VPS13A: variants seen among roughly 807,000 people sequenced by gnomAD.
VPS13A encodes intermembrane lipid transfer protein VPS13A.
In VPS13A, 264 loss-of-function variants were observed where a neutral mutation model predicts 390.9. That is an observed-to-expected ratio of 0.68 (90% confidence interval 0.61 to 0.75). VPS13A has a LOEUF of 0.75. Among genes scored for constraint, VPS13A ranks in the 30% least tolerant of loss-of-function variants. VPS13A has a pLI of 0.00. For missense variants in VPS13A, 3,409 were observed against 3,733.9 expected (o/e 0.91, Z 2.27); for synonymous variants, 1,231 against 1,227.1 (o/e 1.00, Z -0.07).
intron 68 of VPS13A, among the ~76,000 whole-genome samples, chr9:77,397,191 G>A (rs1053202576): frequency 1.3e-5 from 2 of 151,972 alleles, no homozygotes; most frequent in South Asian, 2.1e-4. Context: ...GGGTCTCACC[G>A]TGTTGGCCAG....
chr9:77,255,252 C>T (rs549666929), intron 22 of VPS13A, among the ~76,000 whole-genome samples: 1 of 152,086 alleles, frequency 6.6e-6, no homozygotes, highest in East Asian at 1.9e-4. Flanking sequence ...ATCATGTGAT[C>T]ATGTAAAAAA....
chr9:77,403,317 A>C lies in VPS13A; in HGVS notation c.9271A>C (p.Arg3091=). The change falls in exon 69 of 72, where the codon AGA becomes CGA. Residue 3091 remains arginine (R), a synonymous_variant. Transcript: ENST00000360280. ...INKTDMLMIT[R]RGVLFVTKGT... ...TAAGACAGATATGCTAATGATAACC[A>C]GACGGTAACTTGCTTTCTTTCTCTT... 1 of 1,610,418 alleles carries C rather than the reference A, an allele frequency of 6.2e-7. No individual in the cohort carries two copies. The highest frequency in any genetic ancestry group is 8.5e-7 in the Non-Finnish European group (1 of 1,178,692).
At chr9:77,388,459 A>T (rs1415153413) in intron 68 of VPS13A, among the ~76,000 whole-genome samples, 1 of 152,178 alleles carries the variant, frequency 6.6e-6, no homozygotes, top group Non-Finnish European at 1.5e-5. Flanking sequence ...CTCAATAAGT[A>T]TGATAAATTT....
At chr9:77,407,470 A>ATTTC in intron 70 of VPS13A, 63 bp from the exon 71 acceptor site, 2 of 1,382,320 alleles carry the variant, frequency 1.4e-6, no homozygotes, top group Non-Finnish European at 2.1e-6. Context: ...GCTTTGTGGC[A>ATTTC]TTTCTTTATG....
chr9:77,414,764 T>TAATAATAAA (rs1423448427), intron 71 of VPS13A, among the ~76,000 whole-genome samples: 10 of 146,818 alleles, frequency 6.8e-5, no homozygotes, highest in African/African-American at 2.2e-4. Flanking sequence ...ATAATAATAA[T>TAATAATAAA]AATAAAAACT....
At chr9:77,228,026 T>C (rs995011697) in intron 16 of VPS13A, 96 bp from the exon 17 acceptor site, 4 of 945,180 alleles carry the variant, frequency 4.2e-6, no homozygotes, top group Non-Finnish European at 5.9e-6. Flanking sequence ...GTCCTTAAAA[T>C]ATTTGGTGGT....
At chr9:77,322,820 T>A (rs1829821428) in intron 44 of VPS13A, among the ~76,000 whole-genome samples, 1 of 152,028 alleles carries the variant, frequency 6.6e-6, no homozygotes, top group South Asian at 2.1e-4. Flanking sequence ...CTTGCTCTCA[T>A]TACTCATTTT....
intron 23 of VPS13A, among the ~76,000 whole-genome samples, chr9:77,269,403 T>G (rs1013991187): frequency 1.3e-5 from 2 of 152,240 alleles, no homozygotes; most frequent in Non-Finnish European, 2.9e-5. Context: ...ATCATTTCCA[T>G]CTGTTTCTGT....
In VPS13A at chr9:77,295,632, CT is replaced by C; in HGVS notation, c.3599del (p.Leu1200ProfsTer37). 2 of 1,613,978 alleles carry C rather than the reference CT, an allele frequency of 1.2e-6. No individual in the cohort carries two copies. The highest frequency in any genetic ancestry group is 4.5e-5 in the East Asian group (2 of 44,860). On this transcript the variant is annotated frameshift_variant, in exon 33 of 72. Coordinates refer to ENST00000360280, the MANE Select transcript of VPS13A (RefSeq NM_033305.3). LOFTEE classifies it high-confidence loss of function. ...AATGGCTGCTACTGGTGTAAAAGAA[CT>C]CGCACAAAGGAGTTCCAGAATGGCA... ...AGMAATGVKELAQRSSRMALD... is the reference protein window; with the variant it reads ...AGMAATGVKEXAQRSSRMALD...
At chr9:77,269,949 G>T (rs1464140238) in intron 23 of VPS13A, among the ~76,000 whole-genome samples, 1 of 152,192 alleles carries the variant, frequency 6.6e-6, no homozygotes, top group Non-Finnish European at 1.5e-5. Flanking sequence ...CACCAGAGAT[G>T]CATGCACACT....
chr9:77,344,243 A>C lies in VPS13A; in HGVS notation c.7117A>C (p.Lys2373Gln), dbSNP rs751521392. The change falls in exon 51 of 72, where the codon AAG becomes CAG. Residue 2373 changes from lysine (K) to glutamine (Q), a missense_variant. Physicochemically the swap from Lys to Gln is moderately conservative, Grantham distance 53 (BLOSUM62 1). This residue lies in a region of VPS13A where 2,717 missense variants were observed against 2,917.4 expected (regional missense o/e 0.93). Coordinates refer to ENST00000360280, the MANE Select transcript of VPS13A (RefSeq NM_033305.3). The part of the protein sequence containing the change: ...EDPPKRIYFN[K>Q]QENCILLRLD... ...TCCTCCCAAAAGGATATATTTTAACAAGCAGGAAAATTGTATTCTATTGCG... is the reference window on the plus strand; with the variant it reads ...TCCTCCCAAAAGGATATATTTTAACCAGCAGGAAAATTGTATTCTATTGCG... 3.1e-6 allele frequency: 5 copies of C among 1,613,532 alleles called. No individual in the cohort carries two copies. The East Asian group carries it at 1.1e-4, about 36-fold the overall frequency.
chr9:77,287,768 G>A (rs1827417530), intron 31 of VPS13A, among the ~76,000 whole-genome samples: 1 of 152,194 alleles, frequency 6.6e-6, no homozygotes, highest in Non-Finnish European at 1.5e-5. Context: ...AACTATAAAA[G>A]CCTTGTAGCA....
rs756423455 is a variant in VPS13A, at chr9:77,220,059, C to T, written c.860C>T (p.Ala287Val). 3 of 1,610,310 alleles carry T rather than the reference C, an allele frequency of 1.9e-6. No homozygotes were observed. The highest frequency in any genetic ancestry group is 2.5e-6 in the Non-Finnish European group (3 of 1,177,170). The stretch of plus-strand genomic sequence containing the variant: ...TTGGAAATTGAGTTACATAACATAG[C>T]AATTGAATTTAATAAACCACAGGTG... Reference protein sequence around the residue: ...INLEIELHNIAIEFNKPQYFS... With the variant: ...INLEIELHNIVIEFNKPQYFS... The change falls in exon 11 of 72, where the codon GCA becomes GTA. Residue 287 changes from alanine to valine, a missense_variant. By Grantham distance (64) the Ala-to-Val change is moderately conservative. Coordinates refer to ENST00000360280, the MANE Select transcript of VPS13A (RefSeq NM_033305.3).
chr9:77,193,719 G>A (rs1377222329), intron 1 of VPS13A, among the ~76,000 whole-genome samples: 2 of 152,196 alleles, frequency 1.3e-5, no homozygotes, highest in Non-Finnish European at 2.9e-5. Flanking sequence ...GGCTTATAGA[G>A]TTGCTAGAAT....
intron 17 of VPS13A, among the ~76,000 whole-genome samples, chr9:77,233,328 T>C (rs1057189953): frequency 6.6e-6 from 1 of 152,100 alleles, no homozygotes; most frequent in Admixed American, 6.5e-5. Context: ...GTTTGTTAAA[T>C]ATGTTAACCT....
chr9:77,322,548 T>A (rs1829809409), intron 44 of VPS13A, among the ~76,000 whole-genome samples: 1 of 151,850 alleles, frequency 6.6e-6, no homozygotes, highest in Non-Finnish European at 1.5e-5. Context: ...TCTTTTTTTT[T>A]AACATTTTTA....
chr9:77,206,108 A>T (rs760150991), intron 5 of VPS13A, 29 bp downstream of exon 5: 10 of 1,429,780 alleles, frequency 7.0e-6, no homozygotes, highest in African/African-American at 1.4e-5. Context: ...AACAATGCTA[A>T]TAAGAGAAGT....
chr9:77,237,929 A>T (rs570835144), intron 17 of VPS13A, 73 bp from the exon 18 acceptor site: 2 of 1,193,788 alleles, frequency 1.7e-6, no homozygotes, highest in African/African-American at 1.5e-5. Context: ...TTAATTTTTT[A>T]AATCATTTTC....
chr9:77,415,041 A>G (rs1277944829), intron 71 of VPS13A, among the ~76,000 whole-genome samples: 1 of 152,228 alleles, frequency 6.6e-6, no homozygotes, highest in Non-Finnish European at 1.5e-5. Flanking sequence ...AATAGTGGAA[A>G]ACACAAAAGG....
Sources: allele counts gnomAD v4.1 joint callset (sites outside exome capture counted in the v4.1 genomes callset), GRCh38; gene constraint gnomAD v4.1.1; regional missense constraint gnomAD v4.1.1; transcripts MANE v1.5; gene names NCBI Gene and HGNC (gene_info 2026-07-23, HGNC 2026-07-21).